SLC5A8: variants seen among roughly 807,000 people sequenced by gnomAD.
The protein encoded by SLC5A8 is sodium-coupled monocarboxylate transporter 1.
In SLC5A8, 55 loss-of-function variants were observed where a neutral mutation model predicts 71.9. The observed-to-expected ratio is 0.77, with a 90% CI of 0.62 to 0.96. SLC5A8 has a LOEUF of 0.96. Ranked by LOEUF, SLC5A8 falls within the 40% of genes least tolerant of loss-of-function variation. The pLI, the probability that SLC5A8 is intolerant of heterozygous loss-of-function variation, is 0.00. For synonymous variants in SLC5A8, 307 were observed against 276.1 expected, an observed-to-expected ratio of 1.11 and a Z score of -1.11; for missense variants, 701 against 745.3, an observed-to-expected ratio of 0.94 and a Z score of 0.69.
At chr12:101,205,624 C>G (rs1056548572) in intron 1 of SLC5A8, among the ~76,000 whole-genome samples, 1 of 151,924 alleles carries the variant, frequency 6.6e-6, no homozygotes, top group Non-Finnish European at 1.5e-5. Context: ...TTTTTTGCCC[C>G]GTGATCATGG....
At chr12:101,190,030 CTG>C (rs1868828808) in intron 6 of SLC5A8, among the ~76,000 whole-genome samples, 1 of 152,186 alleles carries the variant, frequency 6.6e-6, no homozygotes, top group East Asian at 1.9e-4. Context: ...AAATCCATGA[CTG>C]TGTCTGAAAA....
In SLC5A8 at chr12:101,155,685, G is replaced by A. The variant is rs2051653244; in HGVS notation, c.*1594C>T. On this transcript the variant is annotated 3_prime_UTR_variant, in exon 15 of 15. Transcript: ENST00000536262. ...TTTATTTTTATTTTTTATTTTTGTA[G>A]AGATGAGGTCTAACTATGTTTCCAG... 1 of 150,744 alleles carries A rather than the reference G, an allele frequency of 6.6e-6. No individual in the cohort carries two copies. The highest frequency in any genetic ancestry group is 1.5e-5 in the Non-Finnish European group (1 of 67,798). 9.3% of individuals were successfully genotyped at this position (150,744 alleles called of 1,614,324 possible). A position where few individuals can be genotyped will look rare whatever the true frequency, so the allele number is the denominator to read the frequency against.
intron 5 of SLC5A8, among the ~76,000 whole-genome samples, chr12:101,192,999 T>G (rs1452502208): frequency 7.1e-6 from 1 of 140,724 alleles, no homozygotes; most frequent in Non-Finnish European, 1.5e-5. Flanking sequence ...TGAGACAGAG[T>G]CTCACTCTGT....
chr12:101,180,918 T>C (rs544721385), intron 9 of SLC5A8, among the ~76,000 whole-genome samples: 194 of 152,290 alleles, frequency 1.3e-3, no homozygotes, highest in African/African-American at 4.3e-3. Context: ...TTTTTTTCTA[T>C]TGACTTTCAG....
chr12:101,189,635 C>T (rs1029338314), intron 6 of SLC5A8, among the ~76,000 whole-genome samples: 2 of 152,148 alleles, frequency 1.3e-5, no homozygotes, highest in Admixed American at 6.5e-5. Flanking sequence ...ACACTCTTTG[C>T]TCAAGCCAAG....
chr12:101,189,340 T>G (rs560157226), intron 6 of SLC5A8, among the ~76,000 whole-genome samples: 2 of 152,300 alleles, frequency 1.3e-5, no homozygotes, highest in Middle Eastern at 3.4e-3. Context: ...TTCATATAGA[T>G]TTTTCACTGT....
chr12:101,185,486 A>G (rs1868593666), intron 7 of SLC5A8, among the ~76,000 whole-genome samples: 2 of 152,244 alleles, frequency 1.3e-5, no homozygotes, highest in South Asian at 4.1e-4. Context: ...TAGTAAAACT[A>G]TATCTAGAAA....
chr12:101,198,201 G>A (rs1052688972), intron 3 of SLC5A8, among the ~76,000 whole-genome samples: 2 of 151,836 alleles, frequency 1.3e-5, no homozygotes, highest in African/African-American at 4.8e-5. Flanking sequence ...AACTTTAAAT[G>A]TTTGCTTTAT....
rs1359123244 is a variant in SLC5A8, at chr12:101,203,538, G to T, written c.417+962C>A. On this transcript the variant is annotated intron_variant, in intron 2 of 14. Coordinates refer to ENST00000536262, the MANE Select transcript of SLC5A8 (RefSeq NM_145913.5). ...AATTTTTGTATTTTTGTAGAGATGG[G>T]GTTTCACCATGTTGGCCAGGCTGGT... 2.0e-5 allele frequency among the ~76,000 whole-genome samples: 3 copies of T among 152,188 alleles called. No homozygotes were observed. In the East Asian group the frequency reaches 5.8e-4, roughly 29 times the overall value.
At chr12:101,209,132 T>A (rs547732639) in intron 1 of SLC5A8, among the ~76,000 whole-genome samples, 1 of 152,238 alleles carries the variant, frequency 6.6e-6, no homozygotes, top group East Asian at 1.9e-4. Flanking sequence ...GCCTGAGACC[T>A]GAAGAACTTA....
intron 10 of SLC5A8, among the ~76,000 whole-genome samples, chr12:101,171,009 A>G (rs768272809): frequency 2.6e-5 from 4 of 152,192 alleles, no homozygotes; most frequent in Non-Finnish European, 4.4e-5. Flanking sequence ...TGCTCTTACC[A>G]GAAGAATAGC....
chr12:101,206,877 AC>A (rs965910023), intron 1 of SLC5A8, among the ~76,000 whole-genome samples: 4 of 152,222 alleles, frequency 2.6e-5, no homozygotes, highest in Non-Finnish European at 5.9e-5. Flanking sequence ...GTTGCTAAAC[AC>A]CTATCAGGAC....
In SLC5A8 at chr12:101,182,892, G is replaced by A; in HGVS notation, c.1076C>T (p.Ala359Val). The change falls in exon 9 of 15, where the codon GCC (alanine) becomes GTC (valine). Residue 359 changes from alanine (A) to valine (V), a missense_variant. Transcript: ENST00000536262. The stretch of plus-strand genomic sequence containing the variant: ...ATCTTCCACAGTTACTGCTGCTAAG[G>A]CATTAATACTGGAGGACACTGTGCT... ...TLSTVSSSIN[A>V]LAAVTVEDLI... The A allele has an allele frequency of 6.3e-7, 1 of 1,587,560 alleles. No homozygotes were observed. Among genetic ancestry groups the A allele is most frequent in the Non-Finnish European group, 8.5e-7 (1 of 1,170,666 alleles).
intron 12 of SLC5A8, among the ~76,000 whole-genome samples, chr12:101,162,949 C>G (rs2051737596): frequency 6.6e-6 from 1 of 152,004 alleles, no homozygotes; most frequent in Non-Finnish European, 1.5e-5. Context: ...GAAAGTAAAA[C>G]AAGATGATGT....
chr12:101,158,430 C>T, intron 13 of SLC5A8, 102 bp from the exon 14 acceptor site: 2 of 710,014 alleles, frequency 2.8e-6, no homozygotes, highest in Non-Finnish European at 4.7e-6. Flanking sequence ...ACGTTCAACT[C>T]CATACATTCA....
rs147835898 is a variant in SLC5A8, at chr12:101,209,705, G to T, written c.144C>A (p.Gly48=). Residue 48 remains glycine, a synonymous_variant, in exon 1 of 15, where the codon GGC becomes GGA. Transcript: ENST00000536262. ...GQQTSKDFLM[G]GRRMTAVPVA... is the part of the protein sequence containing the mutation. ...CGGGCACTGCGGTCATTCTGCGGCC[G>T]CCCATCAGGAAGTCCTTGGAGGTCT... is the stretch of plus-strand genomic sequence containing the variant. The T allele has an allele frequency of 1.9e-3, 3,070 of 1,613,264 alleles. 6 individuals are homozygous for T. The highest frequency in any genetic ancestry group is 2.2e-3 in the Non-Finnish European group (2,600 of 1,180,018).
intron 10 of SLC5A8, among the ~76,000 whole-genome samples, chr12:101,170,473 C>T (rs2051818500): frequency 6.6e-6 from 1 of 152,048 alleles, no homozygotes; most frequent in South Asian, 2.1e-4. Context: ...GGGTGAGTTC[C>T]CTAAGTTTTC....
intron 3 of SLC5A8, among the ~76,000 whole-genome samples, chr12:101,200,131 T>A (rs561091566): frequency 7.1e-6 from 1 of 140,286 alleles, no homozygotes; most frequent in African/African-American, 2.7e-5. Flanking sequence ...AAACCAGACA[T>A]GAAAAGGCTC....
At chr12:101,171,962 C>T (rs954651015) in intron 10 of SLC5A8, among the ~76,000 whole-genome samples, 10 of 152,146 alleles carry the variant, frequency 6.6e-5, no homozygotes, top group Admixed American at 3.3e-4. Flanking sequence ...TGGTAGCAGG[C>T]TTAGAGTTGC....
Sources: allele counts gnomAD v4.1 joint callset (sites outside exome capture counted in the v4.1 genomes callset), GRCh38; gene constraint gnomAD v4.1.1; transcripts MANE v1.5; gene names NCBI Gene and HGNC (gene_info 2026-07-23, HGNC 2026-07-21).